The following SPATA7 variants were observed in gnomAD, a reference collection of about 807,000 sequenced individuals.
The protein encoded by SPATA7 is spermatogenesis associated 7.
SPATA7 carries 43 observed loss-of-function variants against 51.8 expected under a neutral mutation model. The observed-to-expected ratio is 0.83, with a 90% CI of 0.65 to 1.07. SPATA7 has a LOEUF of 1.07. SPATA7 is among the 50% of genes least tolerant of loss of function. The pLI, the probability that SPATA7 is intolerant of heterozygous loss-of-function variation, is 0.00. For synonymous variants in SPATA7, 230 were observed against 252.8 expected (o/e 0.91, Z 0.86); for missense variants, 683 against 701.3 (o/e 0.97, Z 0.30).
intron 10 of SPATA7, among the ~76,000 whole-genome samples, chr14:88,434,558 G>A (rs961713682): frequency 2.0e-5 from 3 of 151,794 alleles, no homozygotes; most frequent in Non-Finnish European, 4.4e-5. Context: ...GGTGGTGCGC[G>A]CCTGTAGTCC....
At chr14:88,470,049 A>G in exon 5 of SPATA7, 1 of 1,612,502 alleles carries the variant, frequency 6.2e-7, no homozygotes, top group Middle Eastern at 1.6e-4. Context: ...ACTGACAGAG[A>G]CCTGGGATTA....
In SPATA7 at chr14:88,437,766, A is replaced by AT. The variant is rs2077129870; in HGVS notation, c.1216-68dup. 2.1e-6 allele frequency: 3 copies of AT among 1,454,480 alleles called. No individual in the cohort carries two copies. The South Asian group carries it at 4.0e-5, about 19-fold the overall frequency. The allele number at this position is 1,454,480 out of a possible 1,614,324, so 90.1% of individuals were successfully genotyped here. A position where few individuals can be genotyped will look rare whatever the true frequency, so the allele number is the denominator to read the frequency against. ...AAAGGAAAAGTATTAATCCTGTGAGATTTTCAGCACTGCAGTCAAAATTTA... is the reference window on the plus strand; with the variant it reads ...AAAGGAAAAGTATTAATCCTGTGAGATTTTTCAGCACTGCAGTCAAAATTTA... On this transcript the variant is annotated intron_variant, in intron 11 of 11. Transcript: ENST00000393545.
At chr14:88,400,160 A>T (rs2076017399) in intron 4 of SPATA7, among the ~76,000 whole-genome samples, 1 of 152,218 alleles carries the variant, frequency 6.6e-6, no homozygotes, top group Admixed American at 6.5e-5. Flanking sequence ...AAAACTAATA[A>T]TTAATAGCTG....
chr14:88,402,780 G>A (rs2076096367), intron 4 of SPATA7, among the ~76,000 whole-genome samples: 3 of 151,858 alleles, frequency 2.0e-5, no homozygotes, highest in South Asian at 2.1e-4. Flanking sequence ...CTGAAAGCCA[G>A]GCAACAAAAG....
intron 1 of SPATA7, chr14:88,386,073 G>A (rs1381565024): frequency 1.1e-5 from 15 of 1,413,996 alleles, no homozygotes; most frequent in Non-Finnish European, 1.4e-5. Flanking sequence ...GACACCAGGG[G>A]CCCCTGTCTC....
rs1462642161 is a variant in SPATA7 at position 88,469,146 on chromosome 14, A to C, written c.255-701A>C. The C allele has an allele frequency of 6.7e-7, 1 of 1,490,582 alleles. No individual in the cohort carries two copies. The highest frequency in any genetic ancestry group is 9.1e-7 in the Non-Finnish European group (1 of 1,096,320). 92.3% of individuals were successfully genotyped at this position (1,490,582 alleles called of 1,614,324 possible). On this transcript the variant is annotated intron_variant, in intron 4 of 4. Coordinates refer to the SPATA7 transcript ENST00000556406. The surrounding 1 kb of genome is among the most constrained non-coding windows in gnomAD (Gnocchi z 4.3). ...GTATCACATTGTTGACTCAATCTTC[A>C]TATTCTCTCCACTGATTAAGAGGAC...
At chr14:88,446,168 T>TA (rs759862064) in intron 3 of SPATA7, among the ~76,000 whole-genome samples, 14 of 152,308 alleles carry the variant, frequency 9.2e-5, no homozygotes, top group Non-Finnish European at 1.9e-4. Flanking sequence ...CAGATCCTGT[T>TA]ATTGGTCTAT....
In SPATA7 at chr14:88,434,546, G is replaced by A. The variant is rs149634167; in HGVS notation, c.1160+1334G>A. On this transcript the variant is annotated intron_variant, in intron 10 of 11. Transcript: ENST00000393545. ...CTAAAAATACAAAAATTAGCTGGGC[G>A]TGGTGGTGCGCGCCTGTAGTCCCAG... Among the ~76,000 whole-genome samples the A allele has an allele frequency of 2.5e-3, 376 of 152,010 alleles. 17 individuals are homozygous for A. The East Asian group carries it at 0.063, about 25-fold the overall frequency.
rs1479770597 is a variant in SPATA7 at position 88,446,520 on chromosome 14, T to C, written c.178-8540T>C. Among the ~76,000 whole-genome samples, 4 of 151,346 alleles carry C rather than the reference T, an allele frequency of 2.6e-5. No homozygotes were observed. The East Asian group carries it at 7.7e-4, about 29-fold the overall frequency. On this transcript the variant is annotated intron_variant, in intron 3 of 3. Transcript: ENST00000554802. ...CTGATTTTAGTTATTTCTTGCCTTC[T>C]GCTAGCTTTTGAATGTGTTTGCTCT...
At chr14:88,409,086 C>T (rs1235285954) in intron 4 of SPATA7, among the ~76,000 whole-genome samples, 2 of 151,886 alleles carry the variant, frequency 1.3e-5, no homozygotes, top group African/African-American at 2.4e-5. Context: ...TGTGTCTCTG[C>T]CAGGGTTTGG....
In SPATA7 at chr14:88,426,538, G is replaced by A. The variant is rs377029668; in HGVS notation, c.679G>A (p.Asp227Asn). ...ISKAPSGDLL[D>N]KHSELFSNKQ... ...GAAAGCACCCAGTGGGGATCTTTTGGATAAACATTCTGAACTCTTTTCTAA... is the reference window on the plus strand; with the variant it reads ...GAAAGCACCCAGTGGGGATCTTTTGAATAAACATTCTGAACTCTTTTCTAA... Residue 227 changes from aspartate to asparagine, a missense_variant, in exon 6 of 12, where the codon GAT becomes AAT. Physicochemically the swap from Asp to Asn is conservative, Grantham distance 23 (BLOSUM62 1). Coordinates refer to ENST00000393545, the MANE Select transcript of SPATA7 (RefSeq NM_018418.5). 6.2e-7 allele frequency: 1 copy of A among 1,614,144 alleles called. No homozygotes were observed. The highest frequency in any genetic ancestry group is 1.1e-5 in the South Asian group (1 of 91,082).
At position 88,426,234 on chromosome 14, in the gene SPATA7, C is replaced by G; in HGVS notation, c.375C>G (p.Pro125=). 3.7e-6 allele frequency: 6 copies of G among 1,612,700 alleles called. No homozygotes were observed. Among genetic ancestry groups the G allele is most frequent in the Non-Finnish European group, 5.1e-6 (6 of 1,179,102 alleles). ...ACTGTCATATCGAATGTTCTTAGCC[C>G]TCAGGCGAACCGCAAATTGAGGATG... The part of the protein sequence containing the change: ...SKSLFNTLQK[P]SGEPQIEDDM... The change falls in exon 6 of 12, where the codon CCC becomes CCG. Residue 125 remains proline (P), a splice_region_variant and synonymous_variant. Transcript: ENST00000393545.
In SPATA7 at chr14:88,427,604, C is replaced by T. The variant is rs1285505710; in HGVS notation, c.846-26C>T. 3 of 1,499,970 alleles carry T rather than the reference C, an allele frequency of 2.0e-6. No homozygotes were observed. The Admixed American group carries it at 5.2e-5, about 26-fold the overall frequency. The allele number at this position is 1,499,970 out of a possible 1,614,324, so 92.9% of individuals were successfully genotyped here. Reference sequence around the variant, plus strand: ...CAGTGCTTATATTTTGAAGGATTAACAATTATTTATTTTAAATTATTACAG... The same window carrying T: ...CAGTGCTTATATTTTGAAGGATTAATAATTATTTATTTTAAATTATTACAG... On this transcript the variant is annotated intron_variant, in intron 6 of 11. Transcript: ENST00000393545.
intron 10 of SPATA7, among the ~76,000 whole-genome samples, chr14:88,436,735 T>C (rs1034110824): frequency 2.0e-5 from 3 of 152,294 alleles, no homozygotes; most frequent in South Asian, 2.1e-4. Flanking sequence ...ATGAGTTCAC[T>C]ATAGGTGTGT....
Position 88,469,404 on chromosome 14 carries a change from A to C in SPATA7, c.255-443A>C. ...AAAACAAGTCCGAAGCTTATATGAGATAACATAAAGGAAATATTTCGGAAA... is the reference window on the plus strand; with the variant it reads ...AAAACAAGTCCGAAGCTTATATGAGCTAACATAAAGGAAATATTTCGGAAA... On this transcript the variant is annotated intron_variant, in intron 4 of 4. Transcript: ENST00000556406. This position sits in a 1 kb window ranked among gnomAD's most constrained non-coding sequence, Gnocchi z 4.3. 8.9e-6 allele frequency: 10 copies of C among 1,122,424 alleles called. No individual in the cohort carries two copies. Among genetic ancestry groups the C allele is most frequent in the Non-Finnish European group, 1.3e-5 (10 of 768,278 alleles). The allele number at this position is 1,122,424 out of a possible 1,614,324, so 69.5% of individuals were successfully genotyped here. A position where few individuals can be genotyped will look rare whatever the true frequency, so the allele number is the denominator to read the frequency against.
At position 88,416,787 on chromosome 14, in the gene SPATA7, TG is replaced by T. The variant is rs770278373; in HGVS notation, c.316del (p.Ala106GlnfsTer31). On this transcript the variant is annotated frameshift_variant, in exon 5 of 12. Transcript: ENST00000393545. LOFTEE classifies it high-confidence loss of function. Reference protein sequence around the residue: ...CEKEFKLTKTAMRANYKNNSK... With the variant: ...CEKEFKLTKTXMRANYKNNSK... ...AAAAAGAGTTCAAATTAACTAAAAC[TG>T]CAATGCGAGCCAATTATAAAAATAA... The T allele has an allele frequency of 6.2e-7, 1 of 1,609,866 alleles. No homozygotes were observed. The highest frequency in any genetic ancestry group is 1.1e-5 in the South Asian group (1 of 90,912).
rs999608799 is a variant in SPATA7, at chr14:88,399,700, G to A, written c.238+3497G>A. ...AATTAAGTTGGTTGGGATTACAGGC[G>A]TGAGCCACCGCGCCTGGCCTTAAAA... On this transcript the variant is annotated intron_variant, in intron 4 of 11. Coordinates refer to ENST00000393545, the MANE Select transcript of SPATA7 (RefSeq NM_018418.5). Among the ~76,000 whole-genome samples, 11 of 152,110 alleles carry A rather than the reference G, an allele frequency of 7.2e-5. No individual in the cohort carries two copies. The East Asian group carries it at 1.7e-3, about 24-fold the overall frequency.
chr14:88,431,204 C>T lies in SPATA7; in HGVS notation c.1061C>T (p.Ser354Leu). Reference protein sequence around the residue: ...AMCQYSLKPPSTRKIYSDEEE... With the variant: ...AMCQYSLKPPLTRKIYSDEEE... ...TGTCAGTATTCCCTGAAGCCCCCTT[C>T]AACTCGTAAAATCTACTCTGAGTAA... The change falls in exon 9 of 12, where the codon TCA (serine) becomes TTA (leucine). Residue 354 changes from serine (S) to leucine (L), a missense_variant. Coordinates refer to ENST00000393545, the MANE Select transcript of SPATA7 (RefSeq NM_018418.5). 1 of 1,613,652 alleles carries T rather than the reference C, an allele frequency of 6.2e-7. No homozygotes were observed. The highest frequency in any genetic ancestry group is 8.5e-7 in the Non-Finnish European group (1 of 1,179,670).
intron 5 of SPATA7, among the ~76,000 whole-genome samples, chr14:88,425,277 G>C (rs1259420494): frequency 1.3e-5 from 2 of 152,124 alleles, no homozygotes; most frequent in Non-Finnish European, 2.9e-5. Context: ...TCTATTCAAT[G>C]TCAAGAGCAG....
Sources: allele counts gnomAD v4.1 joint callset (sites outside exome capture counted in the v4.1 genomes callset), GRCh38; gene constraint gnomAD v4.1.1; non-coding constraint Gnocchi (gnomAD v3.1); transcripts MANE v1.5; gene names NCBI Gene and HGNC (gene_info 2026-07-23, HGNC 2026-07-21).